The following THOC7 variants were observed in gnomAD, a reference collection of about 807,000 sequenced individuals.
The protein encoded by THOC7 is THO complex subunit 7.
Under a neutral mutation model 33.1 loss-of-function variants are expected in THOC7, and 22 were observed. The ratio of observed to expected loss-of-function variants is 0.66; its 90% confidence interval spans 0.47 to 0.95. The LOEUF is 0.95. Ranked by LOEUF, THOC7 falls within the 40% of genes least tolerant of loss-of-function variation. The pLI, the probability that THOC7 is intolerant of heterozygous loss-of-function variation, is 0.00. For missense variants in THOC7, 184 were observed against 245.3 expected (o/e 0.75, Z 1.67); for synonymous variants, 77 against 76.8 (o/e 1.00, Z -0.01).
At chr3:63,858,648 T>A (rs1249118279) in intron 1 of THOC7, among the ~76,000 whole-genome samples, 1 of 152,180 alleles carries the variant, frequency 6.6e-6, no homozygotes, top group Non-Finnish European at 1.5e-5. Context: ...ATATTTAGCA[T>A]CCTTTAAATT....
At chr3:63,842,204 A>G (rs1701776057) in intron 1 of THOC7, among the ~76,000 whole-genome samples, 2 of 152,238 alleles carry the variant, frequency 1.3e-5, no homozygotes, top group Non-Finnish European at 2.9e-5. Flanking sequence ...GCCAACAGGT[A>G]TATGAAAAAA....
intron 1 of THOC7, among the ~76,000 whole-genome samples, chr3:63,858,957 T>A (rs1702160033): frequency 6.6e-6 from 1 of 152,196 alleles, no homozygotes; most frequent in South Asian, 2.1e-4. Context: ...CCAGTCCAAC[T>A]GGATACGCAG....
intron 1 of THOC7, among the ~76,000 whole-genome samples, chr3:63,846,598 C>T (rs966007905): frequency 1.3e-5 from 2 of 151,990 alleles, no homozygotes; most frequent in East Asian, 1.9e-4. Flanking sequence ...TTAGTAGAGA[C>T]GTGGTTTTAC....
intron 4 of THOC7, 117 bp downstream of exon 4, chr3:63,837,859 A>AT (rs987872105): frequency 7.8e-5 from 64 of 824,398 alleles, no homozygotes; most frequent in East Asian, 6.4e-4. Flanking sequence ...TAAAATTTGG[A>AT]TTTTTTTTAA....
Position 63,863,759 on chromosome 3 carries a change from A to G in THOC7, c.19+13T>C. 8.0e-7 allele frequency: 1 copy of G among 1,250,428 alleles called. No individual in the cohort carries two copies. Among genetic ancestry groups the G allele is most frequent in the Non-Finnish European group, 1.0e-6 (1 of 1,004,360 alleles). 77.5% of individuals were successfully genotyped at this position (1,250,428 alleles called of 1,614,324 possible). ...CGTGCAGCGGGCGCGTGTGGCGGCG[A>G]GCGGGGCCTCACCGTCAGTCACGGC... On this transcript the variant is annotated intron_variant, in intron 1 of 7. Coordinates refer to ENST00000295899, the MANE Select transcript of THOC7 (RefSeq NM_025075.4).
At chr3:63,854,044 G>A (rs1702066704) in intron 1 of THOC7, among the ~76,000 whole-genome samples, 1 of 152,164 alleles carries the variant, frequency 6.6e-6, no homozygotes, top group African/African-American at 2.4e-5. Context: ...TGCCCAGTTA[G>A]GATTCCTTAC....
At chr3:63,846,038 T>A (rs1701886716) in intron 1 of THOC7, 1 of 219,834 alleles carries the variant, frequency 4.5e-6, no homozygotes, top group Admixed American at 5.8e-5. Context: ...TCCTCTAAAA[T>A]CACCTTTTAA....
chr3:63,836,763 A>G (rs1701642285), intron 4 of THOC7, among the ~76,000 whole-genome samples: 1 of 152,040 alleles, frequency 6.6e-6, no homozygotes, highest in Non-Finnish European at 1.5e-5. Flanking sequence ...TTGTTAGTCA[A>G]CAGCAAATTA....
At chr3:63,863,955 C>CGCG (rs906220280), upstream of THOC7, 1 of 86,026 alleles carries the variant, frequency 1.2e-5, no homozygotes, top group African/African-American at 5.0e-5. Flanking sequence ...CGCGCCGCGC[C>CGCG]GCCGCCGCCG....
chr3:63,856,235 G>T (rs1449842861), intron 1 of THOC7, among the ~76,000 whole-genome samples: 3 of 151,964 alleles, frequency 2.0e-5, no homozygotes, highest in African/African-American at 7.3e-5. Context: ...AGATGGTTAC[G>T]AGAGGCTGGG....
At chr3:63,841,403 T>C (rs1701757844) in intron 1 of THOC7, among the ~76,000 whole-genome samples, 1 of 152,338 alleles carries the variant, frequency 6.6e-6, no homozygotes, top group African/African-American at 2.4e-5. Context: ...TACGCAGTAA[T>C]TATTTTTTAA....
intron 1 of THOC7, among the ~76,000 whole-genome samples, chr3:63,843,090 C>A (rs1352917246): frequency 1.3e-5 from 2 of 149,250 alleles, no homozygotes; most frequent in Admixed American, 6.7e-5. Context: ...CCTGCCCCAA[C>A]CCCTCCAAAA....
chr3:63,842,062 AAATATT>A (rs1330163506), intron 1 of THOC7, among the ~76,000 whole-genome samples: 2 of 152,198 alleles, frequency 1.3e-5, no homozygotes, highest in African/African-American at 2.4e-5. Context: ...TGAGAGGAAA[AAATATT>A]AATAGATCTA....
intron 1 of THOC7, among the ~76,000 whole-genome samples, chr3:63,853,902 C>T (rs1011753562): frequency 1.0e-4 from 15 of 145,526 alleles, no homozygotes; most frequent in African/African-American, 2.5e-4. Context: ...AGCGAGACTC[C>T]GTCTCAAAAA....
At chr3:63,844,738 T>G (rs1238102786) in intron 1 of THOC7, among the ~76,000 whole-genome samples, 1 of 152,242 alleles carries the variant, frequency 6.6e-6, no homozygotes, top group Non-Finnish European at 1.5e-5. Flanking sequence ...CCTTTTGCCA[T>G]GTTATGACAC....
At chr3:63,838,858 A>G (rs1701693888) in intron 2 of THOC7, among the ~76,000 whole-genome samples, 1 of 152,186 alleles carries the variant, frequency 6.6e-6, no homozygotes, top group Non-Finnish European at 1.5e-5. Flanking sequence ...TTTATATGGA[A>G]AGCAAATTCA....
chr3:63,839,221 G>C (rs888239062), intron 2 of THOC7, among the ~76,000 whole-genome samples: 1 of 152,218 alleles, frequency 6.6e-6, no homozygotes, highest in South Asian at 2.1e-4. Flanking sequence ...ACGTGTGTGC[G>C]TGTGTATCAG....
chr3:63,860,028 G>A (rs189770776), intron 1 of THOC7, among the ~76,000 whole-genome samples: 17 of 152,288 alleles, frequency 1.1e-4, no homozygotes, highest in African/African-American at 3.1e-4. Flanking sequence ...GAGTGCAGTG[G>A]TGCAATCATG....
intron 1 of THOC7, among the ~76,000 whole-genome samples, chr3:63,848,809 T>C (rs1253358079): frequency 6.6e-6 from 1 of 152,204 alleles, no homozygotes; most frequent in Non-Finnish European, 1.5e-5. Context: ...AATATTTTGT[T>C]TTACAGATTT....
Sources: gnomAD v4.1 joint callset for allele counts (sites outside exome capture counted in the v4.1 genomes callset) on GRCh38, gnomAD v4.1.1 for gene constraint, MANE v1.5 for transcripts, NCBI Gene and HGNC (gene_info 2026-07-23, HGNC 2026-07-21) for gene names.